NNMT: variants seen among roughly 807,000 people sequenced by gnomAD.
NNMT encodes the protein nicotinamide N-methyltransferase.
Under a neutral mutation model 11.7 loss-of-function variants are expected in NNMT, and 10 were observed. The observed-to-expected ratio is 0.85, with a 90% CI of 0.53 to 1.45. The LOEUF is 1.45. Ranked by LOEUF, NNMT falls within the 40% of genes most tolerant of loss-of-function variation. The pLI is 0.00. For synonymous variants in NNMT, 143 were observed against 133.8 expected (o/e 1.07, Z -0.48); for missense variants, 381 against 319.4 (o/e 1.19, Z -1.47).
upstream of NNMT, among the ~76,000 whole-genome samples, chr11:114,292,059 G>GTC (rs1945339205): frequency 1.3e-5 from 2 of 152,058 alleles, no homozygotes; most frequent in Non-Finnish European, 2.9e-5. Context: ...TATGCTCGAT[G>GTC]TCTCTTAGCT....
chr11:114,278,396 A>C (rs929199028), intron 2 of NNMT, among the ~76,000 whole-genome samples: 6 of 152,172 alleles, frequency 3.9e-5, no homozygotes, highest in Non-Finnish European at 1.5e-5. Flanking sequence ...TAAGGATTAC[A>C]TTTCAACATG....
intron 2 of NNMT, among the ~76,000 whole-genome samples, chr11:114,268,641 C>T (rs901713496): frequency 1.5e-4 from 23 of 152,210 alleles, no homozygotes; most frequent in Non-Finnish European, 2.5e-4. Flanking sequence ...TGGTGGCACA[C>T]GCCTGTAGTC....
intron 1 of NNMT, among the ~76,000 whole-genome samples, chr11:114,260,333 G>C (rs1186011424): frequency 2.0e-5 from 3 of 152,210 alleles, no homozygotes; most frequent in Non-Finnish European, 4.4e-5. Flanking sequence ...CTTGCCACGA[G>C]AAAGGAAGCC....
chr11:114,280,426 A>G (rs1945251077), intron 2 of NNMT, among the ~76,000 whole-genome samples: 1 of 152,080 alleles, frequency 6.6e-6, no homozygotes, highest in Admixed American at 6.5e-5. Context: ...GAGCTCTCCA[A>G]AGGTGGAGCA....
At chr11:114,285,480 GCT>G (rs1400979526) in intron 2 of NNMT, among the ~76,000 whole-genome samples, 1 of 152,148 alleles carries the variant, frequency 6.6e-6, no homozygotes. Context: ...TGCAATTAAG[GCT>G]CATATTAATC....
At position 114,312,338 on chromosome 11, in the gene NNMT, A is replaced by C. The variant is rs1401395334; in HGVS notation, c.656A>C (p.Glu219Ala). 1.2e-6 allele frequency: 2 copies of C among 1,614,086 alleles called. No homozygotes were observed. The highest frequency in any genetic ancestry group is 1.7e-6 in the Non-Finnish European group (2 of 1,180,028). Residue 219 changes from glutamate to alanine, a missense_variant, in exon 3 of 3, where the codon GAG becomes GCG. Glu to Ala is a moderately radical substitution (Grantham distance 107, BLOSUM62 -1). Transcript: ENST00000299964. ...TTCTCCAGCCTCCCCCTGGGCCGGG[A>C]GGCAGTAGAGGCTGCTGTGAAAGAG... is the stretch of plus-strand genomic sequence containing the variant. The part of the protein sequence containing the change: ...QKFSSLPLGR[E>A]AVEAAVKEAG...
intron 2 of NNMT, among the ~76,000 whole-genome samples, chr11:114,270,056 G>A (rs569786301): frequency 6.6e-5 from 10 of 151,820 alleles, no homozygotes; most frequent in East Asian, 1.9e-4. Context: ...TAAAATTTCC[G>A]GGTGGTAGAG....
intron 2 of NNMT, among the ~76,000 whole-genome samples, chr11:114,303,799 C>T (rs1270684852): frequency 6.6e-6 from 1 of 152,138 alleles, no homozygotes; most frequent in East Asian, 1.9e-4. Flanking sequence ...GTAGCCTTGA[C>T]CTCCTGGGCT....
At chr11:114,294,535 C>A (rs1336314770), upstream of NNMT, among the ~76,000 whole-genome samples, 1 of 146,054 alleles carries the variant, frequency 6.8e-6, no homozygotes, top group Admixed American at 6.8e-5. Flanking sequence ...GCTAGCACAA[C>A]AGGGTGAATA....
intron 2 of NNMT, among the ~76,000 whole-genome samples, chr11:114,284,753 C>T (rs567754491): frequency 7.5e-6 from 1 of 133,138 alleles, no homozygotes; most frequent in African/African-American, 3.6e-5. Flanking sequence ...TGAGCCACTG[C>T]ACCCGGCCAT....
rs1040556340 is a variant in NNMT, at chr11:114,298,062, A to C, written c.266A>C (p.Gln89Pro). The C allele has an allele frequency of 2.5e-6, 4 of 1,614,064 alleles. No homozygotes were observed. The Admixed American group carries it at 5.0e-5, about 20-fold the overall frequency. Residue 89 changes from glutamine to proline, a missense_variant, in exon 2 of 3, where the codon CAG becomes CCG. Coordinates refer to ENST00000299964, the MANE Select transcript of NNMT (RefSeq NM_006169.3). Reference sequence around the variant, plus strand: ...ATCGTCGTCACTGACTACTCAGACCAGAACCTGCAGGAGCTGGAGAAGTGG... The same window carrying C: ...ATCGTCGTCACTGACTACTCAGACCCGAACCTGCAGGAGCTGGAGAAGTGG... ...KEIVVTDYSD[Q>P]NLQELEKWLK...
chr11:114,309,537 T>C (rs1945528628), intron 2 of NNMT, among the ~76,000 whole-genome samples: 3 of 152,118 alleles, frequency 2.0e-5, no homozygotes, highest in African/African-American at 7.2e-5. Context: ...ACCAGTTTAG[T>C]GGTTGGTAGG....
rs183341848 is a variant in NNMT at position 114,304,488 on chromosome 11, G to C, written c.362+6330G>C. 5.9e-4 allele frequency among the ~76,000 whole-genome samples: 90 copies of C among 152,208 alleles called. 2 individuals are homozygous for C. The South Asian group carries it at 0.018, about 30-fold the overall frequency. On this transcript the variant is annotated intron_variant, in intron 2 of 2. Transcript: ENST00000299964. ...TCCTTATCCTTGTGCTAGATCCTGTGGCTTTAATTATTTTAAGAATGATAA... is the reference window on the plus strand; with the variant it reads ...TCCTTATCCTTGTGCTAGATCCTGTCGCTTTAATTATTTTAAGAATGATAA...
intron 2 of NNMT, among the ~76,000 whole-genome samples, chr11:114,275,347 G>A (rs1945206197): frequency 6.6e-6 from 1 of 152,196 alleles, no homozygotes; most frequent in African/African-American, 2.4e-5. Flanking sequence ...AGCTCACTTT[G>A]TATTAATAGT....
At chr11:114,273,583 T>C (rs1945188741) in intron 2 of NNMT, among the ~76,000 whole-genome samples, 1 of 152,194 alleles carries the variant, frequency 6.6e-6, no homozygotes, top group Admixed American at 6.5e-5. Context: ...CTCATGCCTG[T>C]AATCCCAACA....
Position 114,312,664 on chromosome 11 carries a change from T to C in NNMT, c.*187T>C. On this transcript the variant is annotated 3_prime_UTR_variant, in exon 3 of 3. Transcript: ENST00000299964. ...CCACTTACTTGGTGCTGCACACAAA[T>C]GTTGGTGCTATGGGACCCAAAGATG... 5.2e-6 allele frequency: 3 copies of C among 579,706 alleles called. No homozygotes were observed. Among genetic ancestry groups the C allele is most frequent in the Non-Finnish European group, 9.1e-6 (3 of 331,168 alleles). The allele number at this position is 579,706 out of a possible 1,614,324, so 35.9% of individuals were successfully genotyped here. A position where few individuals can be genotyped will look rare whatever the true frequency, so the allele number is the denominator to read the frequency against.
chr11:114,257,934 C>T (rs930344596), intron 1 of NNMT: 1 of 152,610 alleles, frequency 6.6e-6, no homozygotes, highest in Non-Finnish European at 1.5e-5. Flanking sequence ...GCTCTGCCAG[C>T]TTTACATGCT....
intron 2 of NNMT, among the ~76,000 whole-genome samples, chr11:114,279,291 G>A (rs569056067): frequency 6.6e-6 from 1 of 152,274 alleles, no homozygotes; most frequent in East Asian, 1.9e-4. Flanking sequence ...CACTGAGTAG[G>A]CATGGGACTC....
intron 2 of NNMT, among the ~76,000 whole-genome samples, chr11:114,274,102 T>A (rs1342483600): frequency 6.6e-6 from 1 of 152,172 alleles, no homozygotes; most frequent in Non-Finnish European, 1.5e-5. Context: ...CAGTCATGTC[T>A]AAGGCTGTTA....
Sources: gnomAD v4.1 joint callset for allele counts (sites outside exome capture counted in the v4.1 genomes callset) on GRCh38, gnomAD v4.1.1 for gene constraint, MANE v1.5 for transcripts, NCBI Gene and HGNC (gene_info 2026-07-23, HGNC 2026-07-21) for gene names.